TEX36: variants seen among roughly 807,000 people sequenced by gnomAD.
TEX36 encodes testis expressed 36, also known as testis-expressed protein 36.
In TEX36, 12 loss-of-function variants were observed where a neutral mutation model predicts 13.6. The ratio of observed to expected loss-of-function variants is 0.88; its 90% confidence interval spans 0.56 to 1.43. TEX36 has a LOEUF of 1.43. Ranked by LOEUF, TEX36 falls within the 40% of genes most tolerant of loss-of-function variation. TEX36 has a pLI of 0.00. For synonymous variants in TEX36, 93 were observed against 83.0 expected (o/e 1.12, Z -0.65); for missense variants, 224 against 228.3 (o/e 0.98, Z 0.12).
intron 3 of TEX36, among the ~76,000 whole-genome samples, chr10:125,643,591 A>C (rs1846722699): frequency 6.6e-6 from 1 of 152,014 alleles, no homozygotes; most frequent in Admixed American, 6.6e-5. Context: ...AAATACAAAA[A>C]ATTAGCCAGG....
At chr10:125,664,019 A>G (rs10901415) in intron 1 of TEX36, among the ~76,000 whole-genome samples, 17,365 of 152,180 alleles carry the variant, frequency 0.11, 1,454 homozygotes, top group East Asian at 0.34. Flanking sequence ...AGCCTCTGAT[A>G]ACCATCATTC....
At chr10:125,585,965 A>G (rs898300826) in intron 3 of TEX36, among the ~76,000 whole-genome samples, 7 of 152,356 alleles carry the variant, frequency 4.6e-5, no homozygotes, top group Middle Eastern at 3.4e-3. Flanking sequence ...TAACTGTCCC[A>G]TAGGACTGGG....
intron 3 of TEX36, among the ~76,000 whole-genome samples, chr10:125,644,638 G>A (rs1846740234): frequency 6.6e-6 from 1 of 152,166 alleles, no homozygotes; most frequent in South Asian, 2.1e-4. Flanking sequence ...TGATATTTGT[G>A]GCACACAGAA....
intron 3 of TEX36, among the ~76,000 whole-genome samples, chr10:125,623,317 A>C (rs531682975): frequency 6.6e-6 from 1 of 152,260 alleles, no homozygotes; most frequent in Admixed American, 6.5e-5. Context: ...CATTGAGGGT[A>C]GGTCCTCCTC....
intron 3 of TEX36, among the ~76,000 whole-genome samples, chr10:125,606,638 A>G (rs1462199086): frequency 6.6e-6 from 1 of 152,212 alleles, no homozygotes; most frequent in Non-Finnish European, 1.5e-5. Flanking sequence ...CAAACTCTAC[A>G]GGATATGAAG....
chr10:125,611,543 G>GT (rs1211683727), intron 3 of TEX36, among the ~76,000 whole-genome samples: 3 of 152,092 alleles, frequency 2.0e-5, no homozygotes, highest in Non-Finnish European at 2.9e-5. Flanking sequence ...TTCTAAGCCC[G>GT]TTTTTTATTT....
intron 3 of TEX36, among the ~76,000 whole-genome samples, chr10:125,610,600 A>G (rs757764896): frequency 1.2e-4 from 18 of 151,882 alleles, no homozygotes; most frequent in Admixed American, 3.3e-4. Flanking sequence ...CGTTGAATTC[A>G]TTTTCTGCCA....
intron 3 of TEX36, among the ~76,000 whole-genome samples, chr10:125,609,314 G>T (rs899658809): frequency 6.6e-6 from 1 of 152,312 alleles, no homozygotes; most frequent in African/African-American, 2.4e-5. Context: ...ATCACATTAT[G>T]GTTTTAATTG....
intron 3 of TEX36, among the ~76,000 whole-genome samples, chr10:125,610,133 C>G (rs1274318404): frequency 2.0e-5 from 3 of 152,196 alleles, no homozygotes; most frequent in African/African-American, 4.8e-5. Context: ...CAGAGAATTC[C>G]CTGCCCCTTC....
At chr10:125,587,998 G>T (rs1845978481) in intron 3 of TEX36, among the ~76,000 whole-genome samples, 1 of 152,060 alleles carries the variant, frequency 6.6e-6, no homozygotes, top group Non-Finnish European at 1.5e-5. Context: ...CATCTGGTGT[G>T]GATACCATAA....
At chr10:125,579,868 T>G (rs1309124426) in intron 3 of TEX36, among the ~76,000 whole-genome samples, 3 of 152,162 alleles carry the variant, frequency 2.0e-5, no homozygotes, top group African/African-American at 7.2e-5. Context: ...CCTGTGGAAC[T>G]GTGAGGAAAT....
chr10:125,641,059 G>A (rs1019541151), intron 3 of TEX36, among the ~76,000 whole-genome samples: 17 of 151,424 alleles, frequency 1.1e-4, no homozygotes, highest in East Asian at 2.0e-4. Context: ...CTCTTCTCCC[G>A]AACTGTAGAC....
chr10:125,660,498 A>T (rs1847017617), intron 3 of TEX36, among the ~76,000 whole-genome samples: 1 of 152,254 alleles, frequency 6.6e-6, no homozygotes, highest in South Asian at 2.1e-4. Flanking sequence ...ATTTAAAATT[A>T]TGCATACAGT....
At chr10:125,609,196 C>T (rs1023846581) in intron 3 of TEX36, among the ~76,000 whole-genome samples, 1 of 148,952 alleles carries the variant, frequency 6.7e-6, no homozygotes, top group African/African-American at 2.5e-5. Context: ...TTAAACTAAA[C>T]AGGGGAAGGG....
intron 3 of TEX36, among the ~76,000 whole-genome samples, chr10:125,648,858 A>G (rs923192623): frequency 3.9e-5 from 6 of 152,258 alleles, no homozygotes; most frequent in African/African-American, 1.4e-4. Context: ...TACATGACGC[A>G]TGCACAAGCT....
intron 1 of TEX36, among the ~76,000 whole-genome samples, chr10:125,666,190 T>C (rs1482767730): frequency 6.6e-6 from 1 of 152,202 alleles, no homozygotes; most frequent in African/African-American, 2.4e-5. Context: ...GCTTTTTATT[T>C]CTTTCTCTTG....
chr10:125,606,370 T>G (rs1417619366), intron 3 of TEX36, among the ~76,000 whole-genome samples: 4 of 152,232 alleles, frequency 2.6e-5, no homozygotes, highest in Non-Finnish European at 4.4e-5. Flanking sequence ...CTTTGACCTA[T>G]CCAGTGCACA....
chr10:125,657,978 C>A lies in TEX36; in HGVS notation c.265-1782G>T, dbSNP rs537332375. ...AGAAGTCAGAGTGAGCAAATAAATT[C>A]AATCAATCTAGCAAAGTCAGGAGAA... On this transcript the variant is annotated intron_variant, in intron 3 of 3. Transcript: ENST00000368821. 2.8e-3 allele frequency among the ~76,000 whole-genome samples: 427 copies of A among 151,706 alleles called. 8 individuals carry two copies. Among genetic ancestry groups the A allele is most frequent in the South Asian group, 0.011 (52 of 4,768 alleles).
At chr10:125,654,817 TAGGAGTTCAA>T (rs921383855), downstream of TEX36, among the ~76,000 whole-genome samples, 6 of 152,220 alleles carry the variant, frequency 3.9e-5, no homozygotes, top group Admixed American at 3.9e-4. Flanking sequence ...GTACGGTTGG[TAGGAGTTCAA>T]TTGGTCCAGT....
Sources: gnomAD v4.1 joint callset for allele counts (sites outside exome capture counted in the v4.1 genomes callset) on GRCh38, gnomAD v4.1.1 for gene constraint, MANE v1.5 for transcripts, NCBI Gene and HGNC (gene_info 2026-07-23, HGNC 2026-07-21) for gene names.